DMD: variants seen among roughly 807,000 people sequenced by gnomAD.
The protein encoded by DMD is dystrophin, also known as mutant dystrophin.
DMD carries 63 observed loss-of-function variants against 330.1 expected under a neutral mutation model. The ratio of observed to expected loss-of-function variants is 0.19; its 90% CI spans 0.16 to 0.24. The LOEUF (loss-of-function observed/expected upper bound fraction) is 0.24. DMD is among the 10% of genes least tolerant of loss of function. The pLI is 1.00. For missense variants in DMD, 3,344 were observed against 2,684.1 expected, an observed-to-expected ratio of 1.25 and a Z score of -5.43; for synonymous variants, 1,223 against 959.8, an observed-to-expected ratio of 1.27 and a Z score of -5.07.
chrX:32,335,280 T>G (rs1215305251), intron 41 of DMD, among the ~76,000 whole-genome samples: 1 of 108,595 alleles, frequency 9.2e-6, no homozygotes, highest in Non-Finnish European at 1.9e-5. Context: ...CTGCTGACTG[T>G]AACCTCTGTC....
At position 33,301,402 on chromosome X, in the gene DMD, T is replaced by C. The variant is rs775126152; in HGVS notation, c.7+37857A>G. On this transcript the variant is annotated intron_variant, in intron 1 of 17. Transcript: ENST00000288447. ...GGTATATTTTTTTTTAAGGAAGACA[T>C]GCCAAGCATAATGATCTTATGCCCT... Among the ~76,000 whole-genome samples the C allele has an allele frequency of 7.2e-5, 8 of 111,706 alleles. No individual in the cohort carries two copies. The East Asian group carries it at 2.3e-3, about 32-fold the overall frequency.
At chrX:33,033,359 G>C (rs1237308527) in intron 1 of DMD, among the ~76,000 whole-genome samples, 1 of 107,881 alleles carries the variant, frequency 9.3e-6, no homozygotes. Flanking sequence ...GATGAGTTTT[G>C]TCTATATCTT....
At chrX:33,255,253 A>G (rs1284756206) in intron 1 of DMD, among the ~76,000 whole-genome samples, 4 of 111,083 alleles carry the variant, frequency 3.6e-5, no homozygotes, top group African/African-American at 1.3e-4. Flanking sequence ...CCAAATAAAC[A>G]TCACTGTTAT....
intron 1 of DMD, among the ~76,000 whole-genome samples, chrX:33,190,124 A>G (rs2050454589): frequency 9.0e-6 from 1 of 111,292 alleles, no homozygotes; most frequent in African/African-American, 3.3e-5. Flanking sequence ...TGTAGCCATG[A>G]TAAACAAATG....
chrX:32,884,174 G>T (rs2084300118), intron 2 of DMD, among the ~76,000 whole-genome samples: 1 of 111,320 alleles, frequency 9.0e-6, no homozygotes. Flanking sequence ...ATAGTAGGGT[G>T]ACATAGGAAA....
At chrX:31,291,227 G>C (rs1320741636) in intron 62 of DMD, among the ~76,000 whole-genome samples, 1 of 109,347 alleles carries the variant, frequency 9.1e-6, no homozygotes, top group Non-Finnish European at 1.9e-5. Context: ...CAAATGTTTT[G>C]ATTAGCCCAC....
chrX:32,676,332 A>G (rs1484479026), intron 9 of DMD, among the ~76,000 whole-genome samples: 1 of 111,229 alleles, frequency 9.0e-6, no homozygotes, highest in Non-Finnish European at 1.9e-5. Context: ...CAGCTGAAAC[A>G]TGAAACCTCT....
At chrX:32,902,262 T>A (rs944207063) in intron 2 of DMD, among the ~76,000 whole-genome samples, 1 of 108,899 alleles carries the variant, frequency 9.2e-6, no homozygotes, top group African/African-American at 3.4e-5. Context: ...CCTGTAAATG[T>A]TCGAGTGGTC....
intron 9 of DMD, among the ~76,000 whole-genome samples, chrX:32,664,288 C>T (rs2061148660): frequency 1.0e-5 from 1 of 97,896 alleles, no homozygotes; most frequent in Non-Finnish European, 2.0e-5. Flanking sequence ...GTCACCCAGG[C>T]TGGAGTGCAG....
At chrX:33,026,280 G>A (rs7884594) in intron 1 of DMD, among the ~76,000 whole-genome samples, 9,284 of 85,196 alleles carry the variant, frequency 0.11, 707 homozygotes, top group East Asian at 0.27. Flanking sequence ...GTGCCACTGC[G>A]CTCCGGCCTG....
intron 1 of DMD, among the ~76,000 whole-genome samples, chrX:33,085,372 A>T (rs1376142487): frequency 9.0e-6 from 1 of 111,578 alleles, no homozygotes; most frequent in Non-Finnish European, 1.9e-5. Flanking sequence ...CTATAGCACT[A>T]AGTGCCACCA....
chrX:32,799,391 T>TAC (rs2076385913), intron 7 of DMD, among the ~76,000 whole-genome samples: 2 of 111,700 alleles, frequency 1.8e-5, no homozygotes, highest in Non-Finnish European at 3.8e-5. Flanking sequence ...GTTCTAAAGT[T>TAC]ACCCTGGTAA....
Position 32,694,236 on chromosome X carries a change from T to C in DMD, c.960+3634A>G, listed in dbSNP as rs892594537. Among the ~76,000 whole-genome samples the C allele has an allele frequency of 7.2e-5, 8 of 111,585 alleles. No homozygotes were observed. In the East Asian group the frequency reaches 2.3e-3, roughly 32 times the overall value. ...ATCTCATCTGTCTACACATTTTTCCTTGGCAATCTTATCCTGGCCGATGGA... is the reference window on the plus strand; with the variant it reads ...ATCTCATCTGTCTACACATTTTTCCCTGGCAATCTTATCCTGGCCGATGGA... On this transcript the variant is annotated intron_variant, in intron 9 of 78. Transcript: ENST00000357033.
At chrX:32,361,491 T>A (rs1012040752) in intron 37 of DMD, among the ~76,000 whole-genome samples, 7 of 112,093 alleles carry the variant, frequency 6.2e-5, no homozygotes, top group Non-Finnish European at 1.3e-4. Flanking sequence ...AGTAGTTAAC[T>A]ATTAAAAATA....
At chrX:33,008,961 C>T (rs1179489304) in intron 2 of DMD, among the ~76,000 whole-genome samples, 1 of 93,539 alleles carries the variant, frequency 1.1e-5, no homozygotes, top group African/African-American at 3.8e-5. Context: ...CGTATATATA[C>T]ATATGTGTAT....
chrX:31,143,401 G>T (rs1254584768), intron 76 of DMD, among the ~76,000 whole-genome samples: 3 of 111,341 alleles, frequency 2.7e-5, no homozygotes, highest in African/African-American at 9.8e-5. Flanking sequence ...CCCCATGATT[G>T]TAAGTTTCCT....
chrX:32,168,714 T>A (rs1374056676), intron 44 of DMD, among the ~76,000 whole-genome samples: 2 of 111,331 alleles, frequency 1.8e-5, no homozygotes, highest in Admixed American at 9.6e-5. Context: ...TGACGGCTAG[T>A]GAAAATAATT....
chrX:32,699,384 G>T, intron 7 of DMD, 91 bp from the exon 8 acceptor site: 1 of 729,219 alleles, frequency 1.4e-6, no homozygotes, highest in East Asian at 3.3e-5. Flanking sequence ...AAAGGAAGAC[G>T]ATAGATTAAT....
chrX:32,594,928 CAAAGA>C (rs1369478929), intron 13 of DMD, among the ~76,000 whole-genome samples: 1 of 110,188 alleles, frequency 9.1e-6, no homozygotes, highest in Non-Finnish European at 1.9e-5. Context: ...GGGATGGAAT[CAAAGA>C]AAAGTTATAG....
Sources: gnomAD v4.1 joint callset for allele counts (sites outside exome capture counted in the v4.1 genomes callset) on GRCh38, gnomAD v4.1.1 for gene constraint, MANE v1.5 for transcripts, NCBI Gene and HGNC (gene_info 2026-07-23, HGNC 2026-07-21) for gene names.